The following ADGRE1 variants were observed in gnomAD, a reference collection of about 807,000 sequenced individuals.
The protein encoded by ADGRE1 is EGF-like module receptor 1.
A neutral mutation model predicts 102.7 loss-of-function variants in ADGRE1; 82 were observed. That is an observed-to-expected ratio of 0.80 (90% CI 0.67 to 0.96). The LOEUF (loss-of-function observed/expected upper bound fraction) is 0.96. Among genes scored for constraint, ADGRE1 ranks in the 40% least tolerant of loss-of-function variants. The pLI is 0.00. For missense variants in ADGRE1, 1,032 were observed against 1,085.3 expected, an observed-to-expected ratio of 0.95 and a Z score of 0.69; for synonymous variants, 398 against 399.6, an observed-to-expected ratio of 1.00 and a Z score of 0.05.
rs1450671727 is a variant in ADGRE1, at chr19:6,936,554, C to G, written c.2382-689C>G. Among the ~76,000 whole-genome samples, 3 of 151,038 alleles carry G rather than the reference C, an allele frequency of 2.0e-5. No individual in the cohort carries two copies. In the South Asian group the frequency reaches 6.2e-4, roughly 31 times the overall value. ...ATTCACCATTTTAACCATTTTAAAG[C>G]GTGTAACTCGGTGGCTTTTCGTACA... is the stretch of plus-strand genomic sequence containing the variant. On this transcript the variant is annotated intron_variant, in intron 18 of 20. Transcript: ENST00000312053.
chr19:6,930,961 A>G (rs1485530330), intron 17 of ADGRE1, among the ~76,000 whole-genome samples: 2 of 151,996 alleles, frequency 1.3e-5, no homozygotes, highest in Admixed American at 6.6e-5. Context: ...TTTTAAATCT[A>G]CAATGCAATT....
rs377254939 is a variant in ADGRE1, at chr19:6,922,007, G to T, written c.1791+124G>T. 6.6e-5 allele frequency: 74 copies of T among 1,129,554 alleles called. No homozygotes were observed. In the African/African-American group the frequency reaches 1.1e-3, roughly 17 times the overall value. 70.0% of individuals were successfully genotyped at this position (1,129,554 alleles called of 1,614,324 possible). A position where few individuals can be genotyped will look rare whatever the true frequency, so the allele number is the denominator to read the frequency against. On this transcript the variant is annotated intron_variant, in intron 14 of 20. Coordinates refer to ENST00000312053, the MANE Select transcript of ADGRE1 (RefSeq NM_001974.5). ...GGGTGTTGTGGGATGGAGTCACGGG[G>T]ACAGAAGGGGTAGGTGATATGCCTT...
chr19:6,896,512 A>C lies in ADGRE1; in HGVS notation c.209A>C (p.His70Pro). The part of the protein sequence containing the change: ...QGFLSSNGQN[H>P]FKDPGVRCKD... ...TTCCTGTCCAGCAATGGGCAAAATCACTTCAAGGATCCAGGAGTGCGATGC... is the reference window on the plus strand; with the variant it reads ...TTCCTGTCCAGCAATGGGCAAAATCCCTTCAAGGATCCAGGAGTGCGATGC... The change falls in exon 3 of 21, where the codon CAC becomes CCC. Residue 70 changes from histidine to proline, a missense_variant. Physicochemically the swap from His to Pro is moderately conservative, Grantham distance 77 (BLOSUM62 -2). Coordinates refer to ENST00000312053, the MANE Select transcript of ADGRE1 (RefSeq NM_001974.5). 6.2e-7 allele frequency: 1 copy of C among 1,614,042 alleles called. No individual in the cohort carries two copies. The highest frequency in any genetic ancestry group is 8.5e-7 in the Non-Finnish European group (1 of 1,179,956).
chr19:6,903,179 G>T (rs1032398207), intron 6 of ADGRE1, among the ~76,000 whole-genome samples: 1 of 152,186 alleles, frequency 6.6e-6, no homozygotes, highest in African/African-American at 2.4e-5. Flanking sequence ...TCTAGGGAAG[G>T]GGTAGTAACT....
intron 17 of ADGRE1, among the ~76,000 whole-genome samples, chr19:6,934,166 G>A (rs2145029831): frequency 6.6e-6 from 1 of 152,248 alleles, no homozygotes; most frequent in East Asian, 1.9e-4. Flanking sequence ...CTACAGGTAA[G>A]TCCTGCTTGG....
Position 6,921,870 on chromosome 19 carries a change from C to T in ADGRE1, c.1778C>T (p.Ser593Phe). ...GCAAATCTTGCCGTTATCATGGCGT[C>T]TGGGGAGCTCACGGTCAGTACTGAT... The part of the protein sequence containing the change: ...QMANLAVIMA[S>F]GELTMDFSLY... Residue 593 changes from serine to phenylalanine, a missense_variant, in exon 14 of 21, where the codon TCT becomes TTT. Ser to Phe is a radical substitution (Grantham distance 155). Transcript: ENST00000312053. 18 of 1,613,576 alleles carry T rather than the reference C, an allele frequency of 1.1e-5. No individual in the cohort carries two copies. The highest frequency in any genetic ancestry group is 1.2e-5 in the Non-Finnish European group (14 of 1,179,816).
chr19:6,924,526 T>C, intron 14 of ADGRE1, 152 bp from the exon 15 acceptor site: 3 of 645,022 alleles, frequency 4.7e-6, no homozygotes, highest in Non-Finnish European at 8.1e-6. Flanking sequence ...CAAAGGATAA[T>C]GAAGGACAGT....
chr19:6,939,921 TTA>T, intron 20 of ADGRE1, 101 bp from the exon 21 acceptor site: 1 of 1,262,832 alleles, frequency 7.9e-7, no homozygotes, highest in Middle Eastern at 1.8e-4. Flanking sequence ...CTAGTCTTTG[TTA>T]CTGTATTTTT....
In ADGRE1 at chr19:6,926,500, C is replaced by T; in HGVS notation, c.2121C>T (p.Asn707=). 1.2e-6 allele frequency: 2 copies of T among 1,614,254 alleles called. No individual in the cohort carries two copies. The highest frequency in any genetic ancestry group is 1.7e-6 in the Non-Finnish European group (2 of 1,180,042). Residue 707 remains asparagine, a synonymous_variant, in exon 16 of 21, where the codon AAC becomes AAT. Coordinates refer to ENST00000312053, the MANE Select transcript of ADGRE1 (RefSeq NM_001974.5). The part of the protein sequence containing the change: ...LKVVNYFSSR[N]IKMLHICAFG... ...TGGTGAATTACTTCAGCTCTCGCAA[C>T]ATCAAGATGCTGCACATCTGTGCCT... is the stretch of plus-strand genomic sequence containing the variant.
At chr19:6,937,114 C>A in intron 18 of ADGRE1, 129 bp from the exon 19 acceptor site, 1 of 1,007,988 alleles carries the variant, frequency 9.9e-7, no homozygotes, top group Non-Finnish European at 1.5e-6. Context: ...CTTGGAGACC[C>A]CACCCTACAT....
chr19:6,937,128 T>C (rs1386586492), intron 18 of ADGRE1, 115 bp from the exon 19 acceptor site: 64 of 1,194,378 alleles, frequency 5.4e-5, no homozygotes, highest in Non-Finnish European at 7.4e-5. Context: ...CCTACATTTG[T>C]CCACACCTAG....
At chr19:6,888,601 TTAAA>T (rs1430691674) in intron 1 of ADGRE1, among the ~76,000 whole-genome samples, 2 of 152,214 alleles carry the variant, frequency 1.3e-5, no homozygotes, top group Non-Finnish European at 2.9e-5. Flanking sequence ...CACAAAGAGA[TTAAA>T]TAACTTCCTC....
At chr19:6,913,543 T>A in intron 10 of ADGRE1, 110 bp from the exon 11 acceptor site, 1 of 1,078,494 alleles carries the variant, frequency 9.3e-7, no homozygotes, top group Middle Eastern at 2.2e-4. Flanking sequence ...ATGCCCCTTT[T>A]AATTCTCCTT....
chr19:6,890,424 T>G (rs1342835147), intron 1 of ADGRE1, 57 bp from the exon 2 acceptor site: 17 of 831,048 alleles, frequency 2.0e-5, no homozygotes, highest in Non-Finnish European at 2.1e-5. Flanking sequence ...CCAAAAGGTT[T>G]TTTTTTTTTT....
intron 17 of ADGRE1, among the ~76,000 whole-genome samples, chr19:6,934,428 T>G: frequency 6.7e-6 from 1 of 148,526 alleles, no homozygotes; most frequent in African/African-American, 2.5e-5. Context: ...TCTTTTTTTT[T>G]TTTTTTTTTT....
intron 17 of ADGRE1, among the ~76,000 whole-genome samples, chr19:6,932,330 T>C (rs549476418): frequency 6.6e-6 from 1 of 151,976 alleles, no homozygotes; most frequent in South Asian, 2.1e-4. Flanking sequence ...CAGCCAGGCG[T>C]GGTGGTGCAC....
At chr19:6,905,647 G>A (rs1029278006) in intron 8 of ADGRE1, among the ~76,000 whole-genome samples, 4 of 151,900 alleles carry the variant, frequency 2.6e-5, no homozygotes, top group African/African-American at 9.6e-5. Flanking sequence ...CACCGTGCCC[G>A]GCCAACCTTT....
At chr19:6,898,325 A>G in intron 5 of ADGRE1, 2 of 1,597,550 alleles carry the variant, frequency 1.3e-6, no homozygotes, top group Non-Finnish European at 1.7e-6. Context: ...GAATGTTCTC[A>G]AAGCCCCCAG....
At chr19:6,910,666 G>A (rs912784577) in intron 10 of ADGRE1, among the ~76,000 whole-genome samples, 37 of 146,414 alleles carry the variant, frequency 2.5e-4, no homozygotes, top group Non-Finnish European at 4.2e-4. Context: ...CCGCCTCCCG[G>A]GTTCATGCCA....
Sources: gnomAD v4.1 joint callset for allele counts (sites outside exome capture counted in the v4.1 genomes callset) on GRCh38, gnomAD v4.1.1 for gene constraint, MANE v1.5 for transcripts, NCBI Gene and HGNC (gene_info 2026-07-23, HGNC 2026-07-21) for gene names.